Variants in C1orf159 observed in about 807,000 individuals in gnomAD.
The protein encoded by C1orf159 is uncharacterized protein C1orf159.
A neutral mutation model predicts 25.6 loss-of-function variants in C1orf159; 19 were observed. That is an observed-to-expected ratio of 0.74 (90% CI 0.52 to 1.09). C1orf159 has a LOEUF of 1.09. Among genes scored for constraint, C1orf159 ranks in the 50% least tolerant of loss-of-function variants. The probability of loss-of-function intolerance (pLI) is 0.00; values close to 1 mark genes in which losing one functional copy is unlikely to be tolerated. For synonymous variants in C1orf159, 139 were observed against 124.7 expected (o/e 1.12, Z -0.77); for missense variants, 274 against 290.6 (o/e 0.94, Z 0.42).
intron 1 of C1orf159, among the ~76,000 whole-genome samples, chr1:1,093,412 A>G (rs542764685): frequency 2.2e-4 from 34 of 152,352 alleles, no homozygotes; most frequent in African/African-American, 7.7e-4. Flanking sequence ...ATCCGTGTAA[A>G]GTACACAAGC....
intron 1 of C1orf159, among the ~76,000 whole-genome samples, chr1:1,102,753 G>A (rs886643785): frequency 7.9e-5 from 12 of 151,272 alleles, no homozygotes; most frequent in African/African-American, 1.5e-4. Flanking sequence ...AGACGAGATC[G>A]TGCCACTGAA....
Position 1,087,130 on chromosome 1 carries a change from G to A in C1orf159, c.310+9C>T. On this transcript the variant is annotated intron_variant, in intron 6 of 9. Coordinates refer to ENST00000421241, the MANE Select transcript of C1orf159 (RefSeq NM_017891.5). The surrounding 1 kb of genome is among the most constrained non-coding windows in gnomAD (Gnocchi z 8.3). Reference sequence around the variant, plus strand: ...CCGGCAGAGGTGGCTGTGGCCTGCTGAGACTTACCAGGATGTGGCCGCCCG... The same window carrying A: ...CCGGCAGAGGTGGCTGTGGCCTGCTAAGACTTACCAGGATGTGGCCGCCCG... The A allele has an allele frequency of 6.2e-7, 1 of 1,607,076 alleles. No homozygotes were observed. Among genetic ancestry groups the A allele is most frequent in the Non-Finnish European group, 8.5e-7 (1 of 1,179,230 alleles).
intron 1 of C1orf159, among the ~76,000 whole-genome samples, chr1:1,115,650 G>A (rs1277937676): frequency 1.5e-5 from 1 of 65,638 alleles, no homozygotes; most frequent in East Asian, 6.6e-4. Flanking sequence ...CCCCTCCCCA[G>A]GGACCCCCTT....
chr1:1,086,034 CAGACGGGCA>C, intron 6 of C1orf159, 22 bp from the exon 7 acceptor site: 1 of 1,611,712 alleles, frequency 6.2e-7, no homozygotes, highest in Non-Finnish European at 8.5e-7. Context: ...CACCGCTGAG[CAGACGGGCA>C]GGACGGTGGC....
At chr1:1,099,557 G>C (rs1353709348) in intron 1 of C1orf159, among the ~76,000 whole-genome samples, 1 of 151,478 alleles carries the variant, frequency 6.6e-6, no homozygotes. Flanking sequence ...AATGGAGAGA[G>C]AGAGGTTAAA....
At chr1:1,091,244 C>T (rs961829168) in intron 3 of C1orf159, 7 of 640,810 alleles carry the variant, frequency 1.1e-5, no homozygotes, top group Admixed American at 2.9e-5. Flanking sequence ...GTGGGGGCCC[C>T]GCCTGACCCA....
Position 1,087,585 on chromosome 1 carries a change from C to A in C1orf159, c.161G>T (p.Arg54Leu). ...GCTGGCGCTCCCGTCCGCGTTCCAG[C>A]GCCTGTAACAGCCTGCGTGGGGCAG... ...ASLCGPGCYR[R>L]WNADGSASCV... The change falls in exon 5 of 10, where the codon CGC (arginine) becomes CTC (leucine). Residue 54 changes from arginine to leucine, a missense_variant. Physicochemically the swap from Arg to Leu is moderately radical, Grantham distance 102. Transcript: ENST00000421241. The surrounding 1 kb of genome is among the most constrained non-coding windows in gnomAD (Gnocchi z 8.3). The A allele has an allele frequency of 6.5e-7, 1 of 1,547,274 alleles. No individual in the cohort carries two copies. Among genetic ancestry groups the A allele is most frequent in the Non-Finnish European group, 8.7e-7 (1 of 1,146,402 alleles).
At position 1,109,981 on chromosome 1, in the gene C1orf159, G is replaced by A. The variant is rs188513708; in HGVS notation, c.-136+6079C>T. Among the ~76,000 whole-genome samples, 403 of 152,310 alleles carry A rather than the reference G, an allele frequency of 2.6e-3. 3 individuals carry two copies. Among genetic ancestry groups the A allele is most frequent in the Non-Finnish European group, 2.1e-3 (145 of 68,028 alleles). ...GGGGGGTCAGTTAGTGCCTGGCAGC[G>A]AGCCATCACTGTTTCCATACCGCTT... On this transcript the variant is annotated intron_variant, in intron 1 of 9. Transcript: ENST00000421241.
chr1:1,111,489 C>T (rs558823182), intron 1 of C1orf159, among the ~76,000 whole-genome samples: 4 of 152,178 alleles, frequency 2.6e-5, no homozygotes, highest in African/African-American at 7.2e-5. Context: ...GAGCCATGAT[C>T]GCACCACTGC....
intron 1 of C1orf159, among the ~76,000 whole-genome samples, chr1:1,104,038 A>G (rs1646137997): frequency 6.6e-6 from 1 of 151,850 alleles, no homozygotes; most frequent in Non-Finnish European, 1.5e-5. Context: ...CCCAGGCTGG[A>G]GTGCAGTGGC....
intron 1 of C1orf159, among the ~76,000 whole-genome samples, chr1:1,114,131 G>A (rs1015999003): frequency 3.3e-5 from 5 of 151,990 alleles, no homozygotes; most frequent in African/African-American, 1.2e-4. Context: ...TCGCCAGGCT[G>A]ATCTCAAACT....
At chr1:1,094,192 G>T (rs1645979447) in intron 1 of C1orf159, among the ~76,000 whole-genome samples, 1 of 151,572 alleles carries the variant, frequency 6.6e-6, no homozygotes, top group Non-Finnish European at 1.5e-5. Flanking sequence ...TGACCTCCAG[G>T]GCTTACGCGA....
At chr1:1,083,176 A>G in intron 9 of C1orf159, 189 bp from the exon 10 acceptor site, 2 of 553,584 alleles carry the variant, frequency 3.6e-6, no homozygotes, top group Non-Finnish European at 3.2e-6. Flanking sequence ...CAGCTCGGGA[A>G]AGGGACGGCT....
intron 1 of C1orf159, among the ~76,000 whole-genome samples, chr1:1,113,683 A>C (rs1646293646): frequency 6.6e-6 from 1 of 152,236 alleles, no homozygotes; most frequent in South Asian, 2.1e-4. Context: ...GCTTTAGAGC[A>C]GGAATGAAAG....
At position 1,082,898 on chromosome 1, in the gene C1orf159, C is replaced by T. The variant is rs1645766835; in HGVS notation, c.592G>A (p.Val198Ile). The T allele has an allele frequency of 1.3e-6, 2 of 1,590,442 alleles. No homozygotes were observed. Among genetic ancestry groups the T allele is most frequent in the African/African-American group, 2.7e-5 (2 of 74,526 alleles). Residue 198 changes from valine (V) to isoleucine (I), a missense_variant, in exon 10 of 10, where the codon GTC (valine) becomes ATC (isoleucine). By Grantham distance (29) the Val-to-Ile change is conservative (BLOSUM62 3). Coordinates refer to ENST00000421241, the MANE Select transcript of C1orf159 (RefSeq NM_017891.5). The stretch of plus-strand genomic sequence containing the variant: ...GCGTGGTCTCGGCCTCCAGGTCAGA[C>T]ATTGCTGATACGGGCCTCCCCCGGG... ...AFPGEARISN[V>I] is the part of the protein sequence containing the mutation.
chr1:1,083,634 G>A, intron 9 of C1orf159: 1 of 480,572 alleles, frequency 2.1e-6, no homozygotes, highest in Non-Finnish European at 3.7e-6. Flanking sequence ...CTCTAGGATA[G>A]TCAGATTAAA....
In C1orf159 at chr1:1,082,195, G is replaced by T. The variant is rs1026137517; in HGVS notation, c.*698C>A. The T allele has an allele frequency of 6.5e-6, 1 of 152,968 alleles. No homozygotes were observed. Among genetic ancestry groups the T allele is most frequent in the African/African-American group, 2.4e-5 (1 of 41,478 alleles). The allele number at this position is 152,968 out of a possible 1,614,324, so 9.5% of individuals were successfully genotyped here. On this transcript the variant is annotated 3_prime_UTR_variant, in exon 10 of 10. Transcript: ENST00000421241. ...GGGCAGGGATCAGCCAGGCATGGGG[G>T]TCCAGCGGATCCGAGCGGGGCCACA...
chr1:1,113,977 C>T (rs1340017635), intron 1 of C1orf159, among the ~76,000 whole-genome samples: 3 of 141,066 alleles, frequency 2.1e-5, no homozygotes, highest in East Asian at 2.2e-4. Context: ...AGTGCAGTGG[C>T]GCAATCTCGG....
intron 1 of C1orf159, among the ~76,000 whole-genome samples, chr1:1,100,912 G>A (rs1646091739): frequency 6.6e-6 from 1 of 152,094 alleles, no homozygotes; most frequent in African/African-American, 2.4e-5. Context: ...TTCACGTTGT[G>A]GCTGTCATAT....
Sources: allele counts gnomAD v4.1 joint callset (sites outside exome capture counted in the v4.1 genomes callset), GRCh38; gene constraint gnomAD v4.1.1; non-coding constraint Gnocchi (gnomAD v3.1); transcripts MANE v1.5; gene names NCBI Gene and HGNC (gene_info 2026-07-23, HGNC 2026-07-21).